PCDH9: variants seen among roughly 807,000 people sequenced by gnomAD.
PCDH9 encodes protocadherin 9.
PCDH9 carries 24 observed loss-of-function variants against 70.6 expected under a neutral mutation model. The observed-to-expected ratio is 0.34, with a 90% CI of 0.25 to 0.48. The LOEUF is 0.48. Among genes scored for constraint, PCDH9 ranks in the 20% least tolerant of loss-of-function variants. PCDH9 has a pLI of 0.99. For missense variants in PCDH9, 1,281 were observed against 1,503.6 expected (o/e 0.85, Z 2.45); for synonymous variants, 562 against 558.5 (o/e 1.01, Z -0.09).
chr13:66,304,864 T>C lies in PCDH9; in HGVS notation c.3505A>G (p.Lys1169Glu). ...TGCCCATTCACAAGCTTGTCCTTCTTCACCCATTCTTTCTGGGGTGCAAAG... is the reference window on the plus strand; with the variant it reads ...TGCCCATTCACAAGCTTGTCCTTCTCCACCCATTCTTTCTGGGGTGCAAAG... ...STFAPQKEWV[K>E]KDKLVNGHTL... Residue 1169 changes from lysine to glutamate, a missense_variant, in exon 5 of 5, where the codon AAG (lysine) becomes GAG (glutamate). This residue lies in a region of PCDH9 where 264 missense variants were observed against 278.8 expected (regional missense o/e 0.95). Transcript: ENST00000377865. 6.2e-7 allele frequency: 1 copy of C among 1,613,592 alleles called. No individual in the cohort carries two copies. Among genetic ancestry groups the C allele is most frequent in the Non-Finnish European group, 8.5e-7 (1 of 1,179,744 alleles).
rs1317621066 is a variant in PCDH9, at chr13:66,613,278, C to T, written c.3340+17932G>A. On this transcript the variant is annotated intron_variant, in intron 4 of 4. Transcript: ENST00000377865. ...TGGCTAAGGGGTTTAACTTTTTAGA[C>T]TGTAATAAGCTTAAACTTATCTCCC... Among the ~76,000 whole-genome samples, 3 of 152,306 alleles carry T rather than the reference C, an allele frequency of 2.0e-5. No homozygotes were observed. The East Asian group carries it at 5.8e-4, about 29-fold the overall frequency.
At position 66,685,022 on chromosome 13, in the gene PCDH9, A is replaced by C. The variant is rs189247269; in HGVS notation, c.3139-53611T>G. Reference sequence around the variant, plus strand: ...GGAAAATTTGCAGCCTGACGATGCAATAGAAAAGAAAAAAAAAACATTTTC... The same window carrying C: ...GGAAAATTTGCAGCCTGACGATGCACTAGAAAAGAAAAAAAAAACATTTTC... On this transcript the variant is annotated intron_variant, in intron 3 of 4. Transcript: ENST00000377865. 8.9e-3 allele frequency among the ~76,000 whole-genome samples: 1,238 copies of C among 138,652 alleles called. 17 individuals are homozygous for C. The highest frequency in any genetic ancestry group is 0.013 in the Non-Finnish European group (804 of 61,940). 91.0% of individuals were successfully genotyped at this position (138,652 alleles called of 152,430 possible). A position where few individuals can be genotyped will look rare whatever the true frequency, so the allele number is the denominator to read the frequency against.
At chr13:66,315,558 T>C (rs1955636044) in intron 4 of PCDH9, among the ~76,000 whole-genome samples, 1 of 152,198 alleles carries the variant, frequency 6.6e-6, no homozygotes. Context: ...CTCGGCTCAC[T>C]GCAAGCTCTG....
intron 3 of PCDH9, among the ~76,000 whole-genome samples, chr13:66,826,052 A>G (rs1427048765): frequency 6.6e-6 from 1 of 152,188 alleles, no homozygotes; most frequent in African/African-American, 2.4e-5. Flanking sequence ...CTTCCTAAAT[A>G]TTTCAATGAA....
At chr13:67,117,491 G>T (rs567988094) in intron 2 of PCDH9, among the ~76,000 whole-genome samples, 15 of 152,210 alleles carry the variant, frequency 9.9e-5, no homozygotes, top group African/African-American at 3.6e-4. Context: ...ACATCACTGA[G>T]CATCACATTT....
intron 4 of PCDH9, among the ~76,000 whole-genome samples, chr13:66,530,258 T>C (rs1052303313): frequency 3.9e-5 from 6 of 152,096 alleles, no homozygotes; most frequent in Admixed American, 3.3e-4. Context: ...GATATGTGTT[T>C]GTGGCAAGGA....
At chr13:66,595,456 G>T (rs1453747072) in intron 4 of PCDH9, among the ~76,000 whole-genome samples, 1 of 151,708 alleles carries the variant, frequency 6.6e-6, no homozygotes, top group Non-Finnish European at 1.5e-5. Context: ...ATAATGCATT[G>T]TATATGCTTG....
intron 4 of PCDH9, among the ~76,000 whole-genome samples, chr13:66,589,467 A>G (rs1257722955): frequency 6.6e-6 from 1 of 152,130 alleles, no homozygotes; most frequent in Non-Finnish European, 1.5e-5. Context: ...CTCAGTAAAT[A>G]TACACAATTA....
chr13:66,347,665 C>G (rs868583597), intron 4 of PCDH9, among the ~76,000 whole-genome samples: 3 of 152,292 alleles, frequency 2.0e-5, no homozygotes, highest in Middle Eastern at 6.8e-3. Flanking sequence ...TTCAGCCTTA[C>G]CGGCCCTCCT....
At chr13:66,835,818 C>T (rs565969892) in intron 3 of PCDH9, among the ~76,000 whole-genome samples, 16 of 152,116 alleles carry the variant, frequency 1.1e-4, no homozygotes, top group South Asian at 1.0e-3. Flanking sequence ...CTCCCCATTC[C>T]GTTTAATACA....
At chr13:66,772,455 T>C (rs1279093883) in intron 3 of PCDH9, among the ~76,000 whole-genome samples, 3 of 152,224 alleles carry the variant, frequency 2.0e-5, no homozygotes, top group Non-Finnish European at 4.4e-5. Context: ...GTTTAGTAAA[T>C]TGTAAGCAAA....
chr13:66,449,526 T>G lies in PCDH9; in HGVS notation c.3341-144498A>C, dbSNP rs560480651. On this transcript the variant is annotated intron_variant, in intron 4 of 4. Transcript: ENST00000377865. ...CCACCTGACTTCCATCATTTTCCACTGTGTTATGGGTATAATGGAGATATT... is the reference window on the plus strand; with the variant it reads ...CCACCTGACTTCCATCATTTTCCACGGTGTTATGGGTATAATGGAGATATT... Among the ~76,000 whole-genome samples, 32 of 152,304 alleles carry G rather than the reference T, an allele frequency of 2.1e-4. 1 individual carries two copies. Among genetic ancestry groups the G allele is most frequent in the Admixed American group, 1.0e-3 (16 of 15,284 alleles).
At chr13:66,894,495 G>A (rs2082145234) in intron 3 of PCDH9, among the ~76,000 whole-genome samples, 1 of 151,952 alleles carries the variant, frequency 6.6e-6, no homozygotes, top group South Asian at 2.1e-4. Context: ...AAGTGTATCA[G>A]GCAATTTAAA....
chr13:67,225,966 C>A lies in PCDH9; in HGVS notation c.2475G>T (p.Val825=), dbSNP rs772524385. 5 of 1,614,074 alleles carry A rather than the reference C, an allele frequency of 3.1e-6. No homozygotes were observed. In the East Asian group the frequency reaches 8.9e-5, roughly 29 times the overall value. The change falls in exon 2 of 5, where the codon GTG becomes GTT. Residue 825 remains valine (V), a synonymous_variant. Transcript: ENST00000377865. ...CGGTGACGAAGATCACAACAATGACCACCATGGCACCGGCGATGATGGCAA... is the reference window on the plus strand; with the variant it reads ...CGGTGACGAAGATCACAACAATGACAACCATGGCACCGGCGATGATGGCAA... ...IMIAIIAGAM[V]VIVVIFVTVL...
chr13:67,111,946 G>T (rs189197430), intron 2 of PCDH9, among the ~76,000 whole-genome samples: 42 of 152,276 alleles, frequency 2.8e-4, no homozygotes, highest in Admixed American at 5.9e-4. Flanking sequence ...AAGTTTAGAT[G>T]TATTTTATGT....
intron 4 of PCDH9, among the ~76,000 whole-genome samples, chr13:66,595,489 C>T (rs1043078174): frequency 6.6e-6 from 1 of 151,658 alleles, no homozygotes; most frequent in African/African-American, 2.4e-5. Flanking sequence ...GGTGAGATTT[C>T]TTTCTGTGTT....
intron 4 of PCDH9, among the ~76,000 whole-genome samples, chr13:66,453,374 T>C (rs916666749): frequency 9.9e-5 from 15 of 152,220 alleles, no homozygotes; most frequent in Admixed American, 5.9e-4. Context: ...CCTAGAGAGC[T>C]ATTCTTCCTA....
At chr13:67,040,290 A>C (rs2085086987) in intron 2 of PCDH9, among the ~76,000 whole-genome samples, 1 of 152,130 alleles carries the variant, frequency 6.6e-6, no homozygotes, top group South Asian at 2.1e-4. Context: ...TGAATCCCTC[A>C]TGCATGGGAT....
At chr13:66,369,199 A>C (rs907422467) in intron 4 of PCDH9, among the ~76,000 whole-genome samples, 2 of 152,078 alleles carry the variant, frequency 1.3e-5, no homozygotes, top group African/African-American at 2.4e-5. Context: ...TGTGCCCTTT[A>C]CTGCAACTAC....
Sources: gnomAD v4.1 joint callset for allele counts (sites outside exome capture counted in the v4.1 genomes callset) on GRCh38, gnomAD v4.1.1 for gene constraint, gnomAD v4.1.1 regional missense constraint, MANE v1.5 for transcripts, NCBI Gene and HGNC (gene_info 2026-07-23, HGNC 2026-07-21) for gene names.